The following CD38 variants were observed in gnomAD, a reference collection of about 807,000 sequenced individuals.
CD38 encodes the protein ADP-ribosyl cyclase/cyclic ADP-ribose hydrolase 1.
CD38 carries 31 observed loss-of-function variants against 36.3 expected under a neutral mutation model. That is an observed-to-expected ratio of 0.85 (90% confidence interval 0.64 to 1.15). CD38 has a LOEUF of 1.15. Ranked by LOEUF, CD38 falls within the 50% of genes most tolerant of loss-of-function variation. The probability of loss-of-function intolerance (pLI) is 0.00; values close to 1 mark genes in which losing one functional copy is unlikely to be tolerated. For synonymous variants in CD38, 131 were observed against 135.2 expected (o/e 0.97, Z 0.22); for missense variants, 380 against 371.9 (o/e 1.02, Z -0.18).
chr4:15,829,719 C>CCCCA (rs1377307828), intron 3 of CD38, among the ~76,000 whole-genome samples: 1 of 152,126 alleles, frequency 6.6e-6, no homozygotes, highest in African/African-American at 2.4e-5. Flanking sequence ...TGGTAACCAT[C>CCCCA]CCCACCTCCC....
At chr4:15,822,815 T>C (rs894608226) in intron 2 of CD38, among the ~76,000 whole-genome samples, 3 of 152,164 alleles carry the variant, frequency 2.0e-5, no homozygotes, top group Admixed American at 6.6e-5. Flanking sequence ...ACATTCTTCA[T>C]AGAATTAGAA....
intron 1 of CD38, among the ~76,000 whole-genome samples, chr4:15,802,547 T>C (rs1223309062): frequency 7.1e-6 from 1 of 140,898 alleles, no homozygotes; most frequent in African/African-American, 2.9e-5. Flanking sequence ...TTTTATTTTA[T>C]TTTATTTCAC....
In CD38 at chr4:15,778,864, G is replaced by GT. The variant is rs1423889320; in HGVS notation, c.233+217_233+218insT. Among the ~76,000 whole-genome samples, 1 of 151,938 alleles carries GT rather than the reference G, an allele frequency of 6.6e-6. No individual in the cohort carries two copies. The highest frequency in any genetic ancestry group is 1.5e-5 in the Non-Finnish European group (1 of 67,918). On this transcript the variant is annotated intron_variant, in intron 1 of 7. Transcript: ENST00000226279. The surrounding 1 kb of genome is among the most constrained non-coding windows in gnomAD (Gnocchi z 4.9). Reference sequence around the variant, plus strand: ...GCACCGAGCGTGCCCGCGGGAGGCGGGGGGGGGCGCTGCTCGGTGGCTCTG... The same window carrying GT: ...GCACCGAGCGTGCCCGCGGGAGGCGGTGGGGGGGCGCTGCTCGGTGGCTCTG...
rs528353886 is a variant in CD38 at position 15,783,628 on chromosome 4, T to C, written c.233+4981T>C. Among the ~76,000 whole-genome samples, 20 of 152,362 alleles carry C rather than the reference T, an allele frequency of 1.3e-4. No homozygotes were observed. In the South Asian group the frequency reaches 3.9e-3, roughly 30 times the overall value. On this transcript the variant is annotated intron_variant, in intron 1 of 7. Transcript: ENST00000226279. ...ATTGAGCTGCCTTGAGTCCACATCA[T>C]GCTGGTTGAACATAAGTAGAAATTG...
chr4:15,811,255 G>A (rs7694167), intron 1 of CD38, among the ~76,000 whole-genome samples: 6,211 of 133,682 alleles, frequency 0.046, 320 homozygotes, highest in African/African-American at 0.16. Flanking sequence ...TTTGAAGAAC[G>A]TAGGATTTTA....
At chr4:15,842,266 A>G (rs1724229738) in intron 7 of CD38, among the ~76,000 whole-genome samples, 1 of 134,510 alleles carries the variant, frequency 7.4e-6, no homozygotes, top group Non-Finnish European at 1.6e-5. Flanking sequence ...ACCCCCGAGC[A>G]GCCTAACTGG....
intron 1 of CD38, among the ~76,000 whole-genome samples, chr4:15,811,913 A>G (rs1427532882): frequency 1.3e-5 from 2 of 152,226 alleles, no homozygotes; most frequent in Non-Finnish European, 2.9e-5. Flanking sequence ...AACACTGGAC[A>G]TGCCTGGGCT....
intron 1 of CD38, among the ~76,000 whole-genome samples, chr4:15,791,853 G>A (rs1409648210): frequency 1.1e-5 from 1 of 90,990 alleles, no homozygotes; most frequent in Non-Finnish European, 2.0e-5. Flanking sequence ...GGTGAGGGGC[G>A]CCTCTGCCCG....
At chr4:15,814,279 A>T (rs1723535179) in intron 1 of CD38, among the ~76,000 whole-genome samples, 1 of 152,150 alleles carries the variant, frequency 6.6e-6, no homozygotes, top group Non-Finnish European at 1.5e-5. Flanking sequence ...CCCTTCGCCC[A>T]CTTTTTGATG....
chr4:15,847,491 A>G (rs1724281460), intron 7 of CD38, among the ~76,000 whole-genome samples: 1 of 102,128 alleles, frequency 9.8e-6, no homozygotes, highest in Admixed American at 1.1e-4. Context: ...GCGCACCAGC[A>G]TGGCACATGT....
intron 1 of CD38, among the ~76,000 whole-genome samples, chr4:15,811,241 G>A (rs529027174): frequency 1.1e-4 from 16 of 148,046 alleles, no homozygotes; most frequent in Admixed American, 4.0e-4. Flanking sequence ...TCTTGATGGC[G>A]TCCTTTGAAG....
At chr4:15,838,416 C>T (rs1476104742) in intron 5 of CD38, among the ~76,000 whole-genome samples, 1 of 152,122 alleles carries the variant, frequency 6.6e-6, no homozygotes, top group African/African-American at 2.4e-5. Context: ...CTGCTCTTAA[C>T]TTTTGCAGGC....
chr4:15,822,985 C>T (rs78699154), intron 2 of CD38, among the ~76,000 whole-genome samples: 1 of 151,844 alleles, frequency 6.6e-6, no homozygotes, highest in Non-Finnish European at 1.5e-5. Context: ...AAAATAAACA[C>T]ATAGACCAAT....
intron 1 of CD38, among the ~76,000 whole-genome samples, chr4:15,804,321 G>A (rs1410863063): frequency 6.6e-6 from 1 of 152,090 alleles, no homozygotes; most frequent in African/African-American, 2.4e-5. Context: ...ACACATTGTT[G>A]GTAGGAATGT....
intron 2 of CD38, 77 bp from the exon 3 acceptor site, chr4:15,824,804 A>G (rs1723813176): frequency 2.5e-6 from 3 of 1,176,854 alleles, no homozygotes; most frequent in Non-Finnish European, 3.7e-6. Context: ...TTTTTTTTTC[A>G]TTTACAAAAC....
chr4:15,848,707 T>A lies in CD38; in HGVS notation c.*105T>A, dbSNP rs1803404. 34 of 867,570 alleles carry A rather than the reference T, an allele frequency of 3.9e-5. No individual in the cohort carries two copies. The highest frequency in any genetic ancestry group is 2.6e-5 in the Non-Finnish European group (14 of 533,262). 53.7% of individuals were successfully genotyped at this position (867,570 alleles called of 1,614,324 possible). ...CAGAGCTGAAGATTTTGGAGGGTCC[T>A]CCACAATAAGGTCAATGCCAGAGAC... On this transcript the variant is annotated 3_prime_UTR_variant, in exon 8 of 8. Transcript: ENST00000226279.
intron 1 of CD38, among the ~76,000 whole-genome samples, chr4:15,789,356 C>T (rs936742237): frequency 1.3e-5 from 2 of 152,066 alleles, no homozygotes; most frequent in Non-Finnish European, 2.9e-5. Context: ...AAAAAGAGTG[C>T]TGTGTAGTGT....
intron 1 of CD38, among the ~76,000 whole-genome samples, chr4:15,782,025 T>TGGC (rs1722708703): frequency 3.9e-5 from 6 of 152,326 alleles, no homozygotes; most frequent in African/African-American, 1.4e-4. Flanking sequence ...GATGTCCCAC[T>TGGC]TAACACGATG....
At chr4:15,787,893 G>A (rs1309090536) in intron 1 of CD38, among the ~76,000 whole-genome samples, 2 of 152,194 alleles carry the variant, frequency 1.3e-5, no homozygotes, top group African/African-American at 4.8e-5. Flanking sequence ...CCGCCGTGCA[G>A]GGAGCAGTCT....
Sources: gnomAD v4.1 joint callset for allele counts (sites outside exome capture counted in the v4.1 genomes callset) on GRCh38, gnomAD v4.1.1 for gene constraint, Gnocchi (gnomAD v3.1) non-coding constraint, MANE v1.5 for transcripts, NCBI Gene and HGNC (gene_info 2026-07-23, HGNC 2026-07-21) for gene names.